The following TERT variants were observed in gnomAD, a reference collection of about 807,000 sequenced individuals.
The protein encoded by TERT is telomerase catalytic subunit.
TERT carries 42 observed loss-of-function variants against 104.0 expected under a neutral mutation model. That is an observed-to-expected ratio of 0.40 (90% confidence interval 0.32 to 0.52). The LOEUF is 0.52. Among genes scored for constraint, TERT ranks in the 20% least tolerant of loss-of-function variants. The pLI is 0.43. For synonymous variants in TERT, 781 were observed against 725.6 expected, an observed-to-expected ratio of 1.08 and a Z score of -1.23; for missense variants, 1,101 against 1,610.3, an observed-to-expected ratio of 0.68 and a Z score of 5.41.
At chr5:1,271,742 G>C (rs113776821) in intron 7 of TERT, among the ~76,000 whole-genome samples, 1 of 152,218 alleles carries the variant, frequency 6.6e-6, no homozygotes, top group Non-Finnish European at 1.5e-5. Context: ...CCGCTCAGCG[G>C]GGCGTGGCTC....
chr5:1,282,610 G>C lies in TERT; in HGVS notation c.1588C>G (p.Pro530Ala). ...TCACGCAGACGGTGCTCTGCGGCCG[G>C]AACACAGCCAACCCCTTAAACGAGA... ...LRRSPGVGCV[P>A]AAEHRLREEI... is the part of the protein sequence containing the mutation. The change falls in exon 3 of 16, where the codon CCG becomes GCG. Residue 530 changes from proline (P) to alanine (A), a missense_variant. Pro to Ala is a conservative substitution (Grantham distance 27). Coordinates refer to ENST00000310581, the MANE Select transcript of TERT (RefSeq NM_198253.3). The C allele has an allele frequency of 6.2e-7, 1 of 1,614,022 alleles. No homozygotes were observed. Among genetic ancestry groups the C allele is most frequent in the South Asian group, 1.1e-5 (1 of 91,082 alleles).
In TERT at chr5:1,255,793, G is replaced by A. The variant is rs116836543; in HGVS notation, c.3033-382C>T. ...TTGTGTACCAGCAGGTACTTATCAT[G>A]AATCCTGCCCTTCGTCAGACAACCT... On this transcript the variant is annotated intron_variant, in intron 13 of 15. Coordinates refer to ENST00000310581, the MANE Select transcript of TERT (RefSeq NM_198253.3). The surrounding 1 kb of genome is among the most constrained non-coding windows in gnomAD (Gnocchi z 6.9). 5.2e-3 allele frequency among the ~76,000 whole-genome samples: 785 copies of A among 152,194 alleles called. 5 individuals carry two copies. The highest frequency in any genetic ancestry group is 0.018 in the African/African-American group (750 of 41,516).
At chr5:1,276,764 G>A (rs191703150) in intron 6 of TERT, among the ~76,000 whole-genome samples, 3 of 152,356 alleles carry the variant, frequency 2.0e-5, no homozygotes, top group Admixed American at 2.0e-4. Context: ...AGGCGCAGAA[G>A]CAACGTCACC....
Position 1,257,255 on chromosome 5 carries a change from G to T in TERT, c.3032+1343C>A, listed in dbSNP as rs545707207. 2.0e-5 allele frequency among the ~76,000 whole-genome samples: 3 copies of T among 152,236 alleles called. No homozygotes were observed. In the East Asian group the frequency reaches 5.8e-4, roughly 29 times the overall value. ...GGGGAAATGAGGACAAGACTGAGCT[G>T]AATATGGGAGGAGCAGGTGGCAGGT... On this transcript the variant is annotated intron_variant, in intron 13 of 15. Coordinates refer to ENST00000310581, the MANE Select transcript of TERT (RefSeq NM_198253.3). This position sits in a 1 kb window ranked among gnomAD's most constrained non-coding sequence, Gnocchi z 5.6.
rs978808687 is a variant in TERT at position 1,282,479 on chromosome 5, G to A, written c.1719C>T (p.Leu573=). The change falls in exon 3 of 16, where the codon CTC becomes CTT. Residue 573 remains leucine (L), a synonymous_variant. Coordinates refer to ENST00000310581, the MANE Select transcript of TERT (RefSeq NM_198253.3). The stretch of plus-strand genomic sequence containing the variant: ...TCCAGACACTCTTCCGGTAGAAAAA[G>A]AGCCTGTTCTTTTGAAACGTGGTCT... The part of the protein sequence containing the change: ...VTETTFQKNR[L]FFYRKSVWSK... 1.2e-6 allele frequency: 2 copies of A among 1,614,182 alleles called. No individual in the cohort carries two copies. The highest frequency in any genetic ancestry group is 1.7e-6 in the Non-Finnish European group (2 of 1,180,044).
Position 1,282,588 on chromosome 5 carries a change from C to T in TERT, c.1610G>A (p.Arg537His), listed in dbSNP as rs1272053273. 1 of 1,614,124 alleles carries T rather than the reference C, an allele frequency of 6.2e-7. No homozygotes were observed. Among genetic ancestry groups the T allele is most frequent in the South Asian group, 1.1e-5 (1 of 91,092 alleles). ...GCVPAAEHRLREEILAKFLHW... is the reference protein window; with the variant it reads ...GCVPAAEHRLHEEILAKFLHW... ...CAGGAACTTGGCCAGGATCTCCTCACGCAGACGGTGCTCTGCGGCCGGAAC... is the reference window on the plus strand; with the variant it reads ...CAGGAACTTGGCCAGGATCTCCTCATGCAGACGGTGCTCTGCGGCCGGAAC... Residue 537 changes from arginine (R) to histidine (H), a missense_variant, in exon 3 of 16, where the codon CGT (arginine) becomes CAT (histidine). By Grantham distance (29) the Arg-to-His change is conservative (BLOSUM62 0). Around this residue, in one of 5 missense-constraint regions of TERT, gnomAD observed 504 missense variants for 544.6 expected, o/e 0.93. Transcript: ENST00000310581.
rs1378470500 is a variant in TERT, at chr5:1,256,678, G to A, written c.3033-1267C>T. ...GCCTCTCAGTAACTCTGCTGAGGTG[G>A]GATGTCTTTTCCCCATTTAGCAACA... On this transcript the variant is annotated intron_variant, in intron 13 of 15. Coordinates refer to ENST00000310581, the MANE Select transcript of TERT (RefSeq NM_198253.3). The surrounding 1 kb of genome is among the most constrained non-coding windows in gnomAD (Gnocchi z 7.0). Among the ~76,000 whole-genome samples, 3 of 152,174 alleles carry A rather than the reference G, an allele frequency of 2.0e-5. No individual in the cohort carries two copies. The highest frequency in any genetic ancestry group is 4.4e-5 in the Non-Finnish European group (3 of 68,036).
chr5:1,276,962 G>A (rs1579572541), intron 6 of TERT, among the ~76,000 whole-genome samples: 1 of 152,224 alleles, frequency 6.6e-6, no homozygotes, highest in Non-Finnish European at 1.5e-5. Flanking sequence ...CACAGTGCAC[G>A]CATGTGATGC....
In TERT at chr5:1,294,681, C is replaced by T. The variant is rs775526812; in HGVS notation, c.220-15G>A. 1 of 1,590,314 alleles carries T rather than the reference C, an allele frequency of 6.3e-7. No individual in the cohort carries two copies. Among genetic ancestry groups the T allele is most frequent in the South Asian group, 1.1e-5 (1 of 89,374 alleles). ...AGGCAGGACACCTGCGGGGGAAGCG[C>T]CCTGAGTCGCCTGCGCTGCTCTCCG... is the stretch of plus-strand genomic sequence containing the variant. On this transcript the variant is annotated splice_polypyrimidine_tract_variant and intron_variant, in intron 1 of 15. Transcript: ENST00000310581.
intron 6 of TERT, 81 bp from the exon 7 acceptor site, chr5:1,272,361 C>T (rs569046906): frequency 9.9e-5 from 123 of 1,243,662 alleles, no homozygotes; most frequent in African/African-American, 8.0e-4. Context: ...CCGATCAGGA[C>T]GTGTGGACCT....
chr5:1,275,788 A>T (rs183292093), intron 6 of TERT, among the ~76,000 whole-genome samples: 1 of 130,140 alleles, frequency 7.7e-6, no homozygotes, highest in African/African-American at 3.0e-5. Context: ...TACCCCACAC[A>T]TGAAAACCAA....
intron 3 of TERT, among the ~76,000 whole-genome samples, chr5:1,281,498 C>T (rs770557762): frequency 6.6e-6 from 1 of 152,244 alleles, no homozygotes; most frequent in Non-Finnish European, 1.5e-5. Flanking sequence ...AAGCTAATAC[C>T]ATGGCCTGGG....
At position 1,282,671 on chromosome 5, in the gene TERT, G is replaced by A. The variant is rs780085899; in HGVS notation, c.1574-47C>T. The A allele has an allele frequency of 5.0e-6, 8 of 1,600,226 alleles. No individual in the cohort carries two copies. In the African/African-American group the frequency reaches 8.0e-5, roughly 16 times the overall value. ...ACATCCAGATCACCGAGGGCCTGGT[G>A]ACCTCACCCCGGACCTGCACCATCC... On this transcript the variant is annotated intron_variant, in intron 2 of 15. Transcript: ENST00000310581.
rs1748986632 is a variant in TERT at position 1,270,975 on chromosome 5, CCGGAGGGGG to C, written c.2468+135_2468+143del. On this transcript the variant is annotated intron_variant, in intron 8 of 15. Transcript: ENST00000310581. This position sits in a 1 kb window ranked among gnomAD's most constrained non-coding sequence, Gnocchi z 8.3. ...GCCTCGGGAGCCTGCAGCCCAGGAG[CCGGAGGGGG>C]CGGGGGCCAGAAAAGGAGACTCTGG... The C allele has an allele frequency of 3.0e-6, 2 of 672,516 alleles. No individual in the cohort carries two copies. The highest frequency in any genetic ancestry group is 1.8e-5 in the African/African-American group (1 of 55,532). The allele number at this position is 672,516 out of a possible 1,614,324, so 41.7% of individuals were successfully genotyped here. A position where few individuals can be genotyped will look rare whatever the true frequency, so the allele number is the denominator to read the frequency against.
At position 1,288,499 on chromosome 5, in the gene TERT, G is replaced by A. The variant is rs922064076; in HGVS notation, c.1573+4814C>T. Among the ~76,000 whole-genome samples, 6 of 152,166 alleles carry A rather than the reference G, an allele frequency of 3.9e-5. No homozygotes were observed. The highest frequency in any genetic ancestry group is 1.4e-4 in the African/African-American group (6 of 41,438). ...ACAGACAGAGACACTCCAACCTGTG[G>A]CTGGACGTCAATCCATGTGAGGGGG... is the stretch of plus-strand genomic sequence containing the variant. On this transcript the variant is annotated intron_variant, in intron 2 of 15. Transcript: ENST00000310581. This position sits in a 1 kb window ranked among gnomAD's most constrained non-coding sequence, Gnocchi z 5.3.
chr5:1,267,804 G>A (rs1449204691), intron 9 of TERT, among the ~76,000 whole-genome samples: 4 of 152,256 alleles, frequency 2.6e-5, no homozygotes, highest in Middle Eastern at 3.4e-3. Context: ...TGGACACAGG[G>A]TGGGGAACAT....
Position 1,260,476 on chromosome 5 carries a change from G to A in TERT, c.2968C>T (p.Gln990Ter). Residue 990 changes from glutamine to a stop codon, truncating the protein, a stop_gained and splice_region_variant, in exon 12 of 16, where the codon CAG becomes TAG. Coordinates refer to ENST00000310581, the MANE Select transcript of TERT (RefSeq NM_198253.3). LOFTEE classifies it high-confidence loss of function. ...GTGCTGACCATCAGCCTGCTCACCT[G>A]CAAATCCAGAAACAGGCTGTGACAC... is the stretch of plus-strand genomic sequence containing the variant. ...LKCHSLFLDL[Q>*]VNSLQTVCTN... 1 of 1,613,964 alleles carries A rather than the reference G, an allele frequency of 6.2e-7. No individual in the cohort carries two copies. The highest frequency in any genetic ancestry group is 8.5e-7 in the Non-Finnish European group (1 of 1,179,926).
rs112773697 is a variant in TERT, at chr5:1,265,310, A to G, written c.2655-718T>C. Among the ~76,000 whole-genome samples, 737 of 152,044 alleles carry G rather than the reference A, an allele frequency of 4.8e-3. 4 individuals carry two copies. The highest frequency in any genetic ancestry group is 0.017 in the African/African-American group (707 of 41,468). Reference sequence around the variant, plus strand: ...GTGGCCTGGCCCTGGGACCTCGGCCAGCTGCGCAGCTCCCCTGGTGCATTC... The same window carrying G: ...GTGGCCTGGCCCTGGGACCTCGGCCGGCTGCGCAGCTCCCCTGGTGCATTC... On this transcript the variant is annotated intron_variant, in intron 10 of 15. Coordinates refer to ENST00000310581, the MANE Select transcript of TERT (RefSeq NM_198253.3). The surrounding 1 kb of genome is among the most constrained non-coding windows in gnomAD (Gnocchi z 6.9).
At position 1,257,240 on chromosome 5, in the gene TERT, G is replaced by C. The variant is rs866417550; in HGVS notation, c.3032+1358C>G. Among the ~76,000 whole-genome samples the C allele has an allele frequency of 5.9e-5, 9 of 152,160 alleles. No homozygotes were observed. Among genetic ancestry groups the C allele is most frequent in the African/African-American group, 2.2e-4 (9 of 41,436 alleles). ...GCTAGAGACCCTGGTGGGGAAATGA[G>C]GACAAGACTGAGCTGAATATGGGAG... On this transcript the variant is annotated intron_variant, in intron 13 of 15. Transcript: ENST00000310581. The surrounding 1 kb of genome is among the most constrained non-coding windows in gnomAD (Gnocchi z 5.6).
Sources: allele counts gnomAD v4.1 joint callset (sites outside exome capture counted in the v4.1 genomes callset), GRCh38; gene constraint gnomAD v4.1.1; regional missense constraint gnomAD v4.1.1; non-coding constraint Gnocchi (gnomAD v3.1); transcripts MANE v1.5; gene names NCBI Gene and HGNC (gene_info 2026-07-23, HGNC 2026-07-21).